PRDM10: variants seen among roughly 807,000 people sequenced by gnomAD.
The protein encoded by PRDM10 is PR domain zinc finger protein 10.
In PRDM10, 65 loss-of-function variants were observed where a neutral mutation model predicts 133.1. That is an observed-to-expected ratio of 0.49 (90% confidence interval 0.40 to 0.60). The LOEUF is 0.60. Among genes scored for constraint, PRDM10 ranks in the 20% least tolerant of loss-of-function variants. The pLI, the probability that PRDM10 is intolerant of heterozygous loss-of-function variation, is 0.00. For synonymous variants in PRDM10, 582 were observed against 580.4 expected, an observed-to-expected ratio of 1.00 and a Z score of -0.04; for missense variants, 1,137 against 1,507.1, an observed-to-expected ratio of 0.75 and a Z score of 4.07.
chr11:129,954,612 C>T (rs1565493512), intron 4 of PRDM10, among the ~76,000 whole-genome samples: 1 of 152,044 alleles, frequency 6.6e-6, no homozygotes, highest in African/African-American at 2.4e-5. Flanking sequence ...TCAGTCATGG[C>T]ACTCAGTAAT....
intron 3 of PRDM10, among the ~76,000 whole-genome samples, chr11:129,957,202 C>T (rs1054147204): frequency 4.6e-5 from 7 of 152,202 alleles, no homozygotes; most frequent in African/African-American, 1.4e-4. Flanking sequence ...AAATTCATAA[C>T]CTAGTCAACT....
In PRDM10 at chr11:129,931,131, A is replaced by G; in HGVS notation, c.1415T>C (p.Leu472Pro). The G allele has an allele frequency of 6.2e-7, 1 of 1,614,194 alleles. No individual in the cohort carries two copies. Among genetic ancestry groups the G allele is most frequent in the Admixed American group, 1.7e-5 (1 of 60,026 alleles). Residue 472 changes from leucine (L) to proline (P), a missense_variant, in exon 11 of 21, where the codon CTG (leucine) becomes CCG (proline). Coordinates refer to ENST00000360871, the MANE Select transcript of PRDM10 (RefSeq NM_199437.2). ...GGTGTGAGTTTCTGGTTCATGTTCC[A>G]GGGAAGACTGGGTTTCCTGTGGCAG... ...PQLPQETQSS[L>P]EHEPETHTLH...
At chr11:129,931,566 A>ATTAT (rs1950858823) in intron 10 of PRDM10, among the ~76,000 whole-genome samples, 2 of 124,402 alleles carry the variant, frequency 1.6e-5, no homozygotes, top group Admixed American at 7.5e-5. Flanking sequence ...TTTTTATTTT[A>ATTAT]TTTTATTTTA....
intron 1 of PRDM10, among the ~76,000 whole-genome samples, 190 bp from the exon 2 acceptor site, chr11:129,961,272 G>A (rs1053359039): frequency 4.0e-5 from 6 of 151,890 alleles, no homozygotes; most frequent in Admixed American, 2.0e-4. Flanking sequence ...ACCTGTAATC[G>A]CAGCTCTTTG....
chr11:129,955,728 T>C (rs992611372), intron 3 of PRDM10, among the ~76,000 whole-genome samples, 157 bp from the exon 4 acceptor site: 1 of 152,222 alleles, frequency 6.6e-6, no homozygotes, highest in African/African-American at 2.4e-5. Context: ...AAGATAGTAA[T>C]CTTAAATTTA....
chr11:129,968,032 A>C lies in PRDM10; in HGVS notation c.-118-6950T>G, dbSNP rs1951942445. ...AGGAGCTCCTGCCTTCATCAGCTGC[A>C]CACAGAGGTGGAGGAAGAGGCCCAG... On this transcript the variant is annotated intron_variant, in intron 1 of 20. Coordinates refer to ENST00000360871, the MANE Select transcript of PRDM10 (RefSeq NM_199437.2). Among the ~76,000 whole-genome samples, 3 of 152,174 alleles carry C rather than the reference A, an allele frequency of 2.0e-5. No homozygotes were observed. In the South Asian group the frequency reaches 6.2e-4, roughly 32 times the overall value.
chr11:129,994,258 G>A (rs950324577), intron 1 of PRDM10, among the ~76,000 whole-genome samples: 4 of 151,776 alleles, frequency 2.6e-5, no homozygotes, highest in African/African-American at 9.7e-5. Flanking sequence ...TCAGGAGTTC[G>A]AGACCAGCCT....
chr11:129,932,185 C>A lies in PRDM10; in HGVS notation c.1204G>T (p.Gly402Cys), dbSNP rs1215354252. 1.9e-6 allele frequency: 3 copies of A among 1,614,138 alleles called. No individual in the cohort carries two copies. Among genetic ancestry groups the A allele is most frequent in the Non-Finnish European group, 2.5e-6 (3 of 1,180,004 alleles). The change falls in exon 10 of 21, where the codon GGT becomes TGT. Residue 402 changes from glycine to cysteine, a missense_variant. Transcript: ENST00000360871. The part of the protein sequence containing the change: ...RGRGKRRFGP[G>C]RRPGRPPKFI... ...TTTGGAGGACGCCCCGGCCGTCGACCTGGACCGAATCGCCTCTTGCCTCGT... is the reference window on the plus strand; with the variant it reads ...TTTGGAGGACGCCCCGGCCGTCGACATGGACCGAATCGCCTCTTGCCTCGT...
Position 129,943,256 on chromosome 11 carries a change from T to C in PRDM10, c.763-627A>G, listed in dbSNP as rs78258806. Among the ~76,000 whole-genome samples, 7 of 152,372 alleles carry C rather than the reference T, an allele frequency of 4.6e-5. No homozygotes were observed. In the East Asian group the frequency reaches 1.2e-3, roughly 25 times the overall value. Reference sequence around the variant, plus strand: ...TACTTCACCATACAGGGAGCTATTCTTTAACCAGAGTCTACAGGTCAGACC... The same window carrying C: ...TACTTCACCATACAGGGAGCTATTCCTTAACCAGAGTCTACAGGTCAGACC... On this transcript the variant is annotated intron_variant, in intron 6 of 20. Coordinates refer to ENST00000360871, the MANE Select transcript of PRDM10 (RefSeq NM_199437.2).
intron 4 of PRDM10, among the ~76,000 whole-genome samples, chr11:129,954,676 T>G: frequency 6.6e-6 from 1 of 151,750 alleles, no homozygotes; most frequent in East Asian, 1.9e-4. Context: ...ATTTGGTTTT[T>G]GTTTATTTAT....
intron 4 of PRDM10, among the ~76,000 whole-genome samples, chr11:129,949,147 G>C (rs535930116): frequency 6.6e-6 from 1 of 152,258 alleles, no homozygotes; most frequent in Non-Finnish European, 1.5e-5. Context: ...ATGAGTATGC[G>C]TTTTCACATG....
chr11:129,946,722 G>T (rs1307459553), intron 5 of PRDM10, among the ~76,000 whole-genome samples: 1 of 152,194 alleles, frequency 6.6e-6, no homozygotes, highest in Non-Finnish European at 1.5e-5. Context: ...TCACGCCTGG[G>T]ATAGAACAGC....
At chr11:129,944,432 G>C (rs1419136589) in intron 6 of PRDM10, among the ~76,000 whole-genome samples, 1 of 150,634 alleles carries the variant, frequency 6.6e-6, no homozygotes, top group Non-Finnish European at 1.5e-5. Flanking sequence ...AATACAAAAA[G>C]AAATTAGCCG....
intron 10 of PRDM10, among the ~76,000 whole-genome samples, chr11:129,931,690 C>A (rs1023420623): frequency 3.3e-5 from 5 of 151,758 alleles, no homozygotes; most frequent in Non-Finnish European, 7.4e-5. Context: ...CCTCCGCCTC[C>A]CGAGTAGCTG....
rs1191952184 is a variant in PRDM10 at position 129,942,646 on chromosome 11, C to G, written c.763-17G>C. 1.0e-5 allele frequency: 16 copies of G among 1,593,398 alleles called. No homozygotes were observed. Among genetic ancestry groups the G allele is most frequent in the African/African-American group, 1.4e-5 (1 of 73,822 alleles). Reference sequence around the variant, plus strand: ...AAGAGAAACCTGCACGAAAAAAAAGCCACACCAAAAACAAAACAAAACCTT... The same window carrying G: ...AAGAGAAACCTGCACGAAAAAAAAGGCACACCAAAAACAAAACAAAACCTT... On this transcript the variant is annotated splice_polypyrimidine_tract_variant and intron_variant, in intron 6 of 20. Transcript: ENST00000360871.
At chr11:129,924,851 G>A in intron 12 of PRDM10, 31 bp downstream of exon 12, 4 of 1,519,102 alleles carry the variant, frequency 2.6e-6, no homozygotes, top group South Asian at 1.3e-5. Context: ...AAAGAAGGAA[G>A]CAGACAGGAA....
intron 1 of PRDM10, among the ~76,000 whole-genome samples, chr11:129,984,611 T>C (rs1938310613): frequency 6.6e-6 from 1 of 151,900 alleles, no homozygotes; most frequent in South Asian, 2.1e-4. Context: ...CCCCCACAGC[T>C]CTCATCCTCC....
intron 1 of PRDM10, among the ~76,000 whole-genome samples, chr11:129,983,590 G>A (rs1256402285): frequency 2.6e-5 from 4 of 152,106 alleles, no homozygotes; most frequent in African/African-American, 9.7e-5. Flanking sequence ...GAGCCACCTC[G>A]CCCGGCCTAA....
At chr11:129,921,184 C>A (rs1410640955) in intron 13 of PRDM10, among the ~76,000 whole-genome samples, 1 of 152,202 alleles carries the variant, frequency 6.6e-6, no homozygotes, top group Non-Finnish European at 1.5e-5. Flanking sequence ...GGAGCTTATA[C>A]TTAGCAGGAC....
Sources: gnomAD v4.1 joint callset for allele counts (sites outside exome capture counted in the v4.1 genomes callset) on GRCh38, gnomAD v4.1.1 for gene constraint, MANE v1.5 for transcripts, NCBI Gene and HGNC (gene_info 2026-07-23, HGNC 2026-07-21) for gene names.